Variants in CUX1 observed in about 807,000 individuals in gnomAD.
The protein encoded by CUX1 is cut like homeobox 1.
A neutral mutation model predicts 158.8 loss-of-function variants in CUX1; 31 were observed. The observed-to-expected ratio is 0.20, with a 90% CI of 0.15 to 0.26. CUX1 has a LOEUF of 0.26. Ranked by LOEUF, CUX1 falls within the 10% of genes least tolerant of loss-of-function variation. CUX1 has a pLI of 1.00. For synonymous variants in CUX1, 879 were observed against 862.1 expected (o/e 1.02, Z -0.34); for missense variants, 1,589 against 2,014.6 (o/e 0.79, Z 4.04).
chr7:101,935,033 T>C (rs998241506), intron 2 of CUX1, among the ~76,000 whole-genome samples: 1 of 152,104 alleles, frequency 6.6e-6, no homozygotes, highest in Admixed American at 6.6e-5. Context: ...CTGTCAGGCC[T>C]CTGAGCCCAA....
intron 3 of CUX1, among the ~76,000 whole-genome samples, chr7:102,054,937 C>T (rs1195761620): frequency 1.3e-5 from 2 of 151,696 alleles, no homozygotes; most frequent in East Asian, 3.9e-4. Context: ...TGACAGTGCA[C>T]TCCAACCAGA....
chr7:102,001,994 A>G (rs1008567237), intron 2 of CUX1, among the ~76,000 whole-genome samples: 1 of 152,230 alleles, frequency 6.6e-6, no homozygotes, highest in Non-Finnish European at 1.5e-5. Flanking sequence ...GAACTGTTCT[A>G]TGTAAAACAA....
At chr7:101,821,565 C>G (rs1236550526) in intron 1 of CUX1, among the ~76,000 whole-genome samples, 2 of 151,390 alleles carry the variant, frequency 1.3e-5, no homozygotes, top group Non-Finnish European at 2.9e-5. Flanking sequence ...GTCTCGATCT[C>G]CTCACTTAGT....
At position 102,249,684 on chromosome 7, in the gene CUX1, G is replaced by T. The variant is rs1586441313; in HGVS notation, c.*642G>T. On this transcript the variant is annotated 3_prime_UTR_variant, in exon 24 of 24. Coordinates refer to ENST00000292535, the MANE Select transcript of CUX1 (RefSeq NM_181552.4). ...TTAAACCAGGAAAAAATAAAAGGGG[G>T]GGTGGGATTTTTCAGAAAAATTAAA... 1 of 985,558 alleles carries T rather than the reference G, an allele frequency of 1.0e-6. No individual in the cohort carries two copies. Among genetic ancestry groups the T allele is most frequent in the South Asian group, 4.7e-5 (1 of 21,282 alleles). 61.1% of individuals were successfully genotyped at this position (985,558 alleles called of 1,614,324 possible). A position where few individuals can be genotyped will look rare whatever the true frequency, so the allele number is the denominator to read the frequency against.
chr7:102,101,317 T>A (rs1829751219), intron 5 of CUX1, among the ~76,000 whole-genome samples: 1 of 152,194 alleles, frequency 6.6e-6, no homozygotes, highest in Non-Finnish European at 1.5e-5. Flanking sequence ...GCCCTTTAGA[T>A]TCCTCTCTGT....
Position 102,257,493 on chromosome 7 carries a change from T to C in CUX1, c.*8451T>C, listed in dbSNP as rs1790024999. ...ATTCTTAAAACATTGGAGAATAGCTTGTTATAAAATAAAAGTGGGGGTAAA... is the reference window on the plus strand; with the variant it reads ...ATTCTTAAAACATTGGAGAATAGCTCGTTATAAAATAAAAGTGGGGGTAAA... On this transcript the variant is annotated 3_prime_UTR_variant, in exon 24 of 24. Coordinates refer to ENST00000292535, the MANE Select transcript of CUX1 (RefSeq NM_181552.4). 1 of 985,238 alleles carries C rather than the reference T, an allele frequency of 1.0e-6. No homozygotes were observed. The highest frequency in any genetic ancestry group is 1.2e-6 in the Non-Finnish European group (1 of 829,928). The allele number at this position is 985,238 out of a possible 1,614,324, so 61.0% of individuals were successfully genotyped here.
chr7:101,849,595 A>G lies in CUX1; in HGVS notation c.30+31926A>G, dbSNP rs533120616. 2.8e-4 allele frequency among the ~76,000 whole-genome samples: 42 copies of G among 152,166 alleles called. 1 individual carries two copies. The highest frequency in any genetic ancestry group is 9.9e-4 in the African/African-American group (41 of 41,502). ...CAGTCCATTATTGATGGGCATTTACATTGATTCTATGTCTTTGCTATTGTG... is the reference window on the plus strand; with the variant it reads ...CAGTCCATTATTGATGGGCATTTACGTTGATTCTATGTCTTTGCTATTGTG... On this transcript the variant is annotated intron_variant, in intron 1 of 23. Transcript: ENST00000292535.
intron 20 of CUX1, among the ~76,000 whole-genome samples, chr7:102,223,121 C>G (rs537885749): frequency 6.6e-6 from 1 of 151,650 alleles, no homozygotes; most frequent in African/African-American, 2.4e-5. Context: ...CATATTTTAC[C>G]TGTGTAAAAT....
In CUX1 at chr7:102,257,567, T is replaced by A. The variant is rs781920010; in HGVS notation, c.*8525T>A. 1.8e-5 allele frequency: 18 copies of A among 985,276 alleles called. No homozygotes were observed. The highest frequency in any genetic ancestry group is 2.2e-5 in the Non-Finnish European group (18 of 829,934). 61.0% of individuals were successfully genotyped at this position (985,276 alleles called of 1,614,324 possible). ...CCTTTGCATTGAATAAGAGACCTAG[T>A]TCTTTGCGTTTGTGCAATAACTCTT... On this transcript the variant is annotated 3_prime_UTR_variant, in exon 24 of 24. Transcript: ENST00000292535.
chr7:102,129,582 G>C (rs1429991515), intron 8 of CUX1, among the ~76,000 whole-genome samples: 3 of 152,296 alleles, frequency 2.0e-5, no homozygotes, highest in African/African-American at 7.2e-5. Context: ...TACTCGGGAG[G>C]CTGAAGCAGG....
intron 2 of CUX1, among the ~76,000 whole-genome samples, chr7:101,971,671 T>G (rs1323143271): frequency 6.6e-6 from 1 of 151,964 alleles, no homozygotes; most frequent in Non-Finnish European, 1.5e-5. Context: ...GTCCACAAGC[T>G]CAAAACAAAG....
At chr7:102,060,434 G>A (rs576800689) in intron 3 of CUX1, among the ~76,000 whole-genome samples, 1 of 152,000 alleles carries the variant, frequency 6.6e-6, no homozygotes, top group South Asian at 2.1e-4. Context: ...TGTTGACCCG[G>A]TTTCTATCCA....
chr7:102,130,918 G>A (rs1833145846), intron 8 of CUX1, among the ~76,000 whole-genome samples: 1 of 151,834 alleles, frequency 6.6e-6, no homozygotes, highest in South Asian at 2.1e-4. Flanking sequence ...GGAGACTGTG[G>A]TGGGCAGATT....
At chr7:101,970,608 T>A (rs549371345) in intron 2 of CUX1, among the ~76,000 whole-genome samples, 44 of 152,102 alleles carry the variant, frequency 2.9e-4, no homozygotes, top group Non-Finnish European at 5.9e-4. Flanking sequence ...CAGGCTGGAG[T>A]GCAGTGGTAC....
Position 102,252,031 on chromosome 7 carries a change from C to CT in CUX1, c.*2995dup. ...AGGTTACTGTTGGTTCCCATTCTGTCTTTTTTGCCAGACTTACATCTGGTG... is the reference window on the plus strand; with the variant it reads ...AGGTTACTGTTGGTTCCCATTCTGTCTTTTTTTGCCAGACTTACATCTGGTG... On this transcript the variant is annotated 3_prime_UTR_variant, in exon 24 of 24. Coordinates refer to ENST00000292535, the MANE Select transcript of CUX1 (RefSeq NM_181552.4). The CT allele has an allele frequency of 2.0e-6, 2 of 985,268 alleles. No individual in the cohort carries two copies. The highest frequency in any genetic ancestry group is 1.7e-5 in the African/African-American group (1 of 57,308). The allele number at this position is 985,268 out of a possible 1,614,324, so 61.0% of individuals were successfully genotyped here.
At chr7:102,060,270 T>C in intron 3 of CUX1, among the ~76,000 whole-genome samples, 1 of 148,054 alleles carries the variant, frequency 6.8e-6, no homozygotes, top group Non-Finnish European at 1.5e-5. Flanking sequence ...AGAGCGAGAC[T>C]CTGTCTCAAA....
chr7:102,045,862 C>G (rs1329256482), intron 3 of CUX1, among the ~76,000 whole-genome samples: 1 of 152,212 alleles, frequency 6.6e-6, no homozygotes, highest in Non-Finnish European at 1.5e-5. Context: ...TTTGGCATCT[C>G]CGCCAGGGGA....
intron 3 of CUX1, among the ~76,000 whole-genome samples, chr7:102,051,582 G>A (rs921695257): frequency 6.6e-6 from 1 of 151,446 alleles, no homozygotes; most frequent in South Asian, 2.1e-4. Context: ...TTGAACCTGG[G>A]AGGCAGAGGT....
chr7:101,959,218 A>T (rs1241659562), intron 2 of CUX1, among the ~76,000 whole-genome samples: 2 of 146,498 alleles, frequency 1.4e-5, no homozygotes, highest in African/African-American at 5.2e-5. Context: ...TGTTTTCCTT[A>T]CCTAGCTCTA....
Sources: gnomAD v4.1 joint callset for allele counts (sites outside exome capture counted in the v4.1 genomes callset) on GRCh38, gnomAD v4.1.1 for gene constraint, MANE v1.5 for transcripts, NCBI Gene and HGNC (gene_info 2026-07-23, HGNC 2026-07-21) for gene names.